Variants in CLEC19A observed in about 807,000 individuals in gnomAD.
The protein encoded by CLEC19A is C-type lectin domain containing 19A, also known as C-type lectin domain family 19 member A.
In CLEC19A, 21 loss-of-function variants were observed where a neutral mutation model predicts 26.1. That is an observed-to-expected ratio of 0.80 (90% CI 0.57 to 1.16). CLEC19A has a LOEUF of 1.16. Among genes scored for constraint, CLEC19A ranks in the 50% most tolerant of loss-of-function variants. The pLI is 0.00. For missense variants in CLEC19A, 224 were observed against 227.6 expected (o/e 0.98, Z 0.10); for synonymous variants, 89 against 88.6 (o/e 1.00, Z -0.03).
At chr16:19,292,462 C>T (rs1897611244) in intron 1 of CLEC19A, among the ~76,000 whole-genome samples, 1 of 152,324 alleles carries the variant, frequency 6.6e-6, no homozygotes. Flanking sequence ...GTTTCAAAGG[C>T]ATGAGTTATG....
At chr16:19,295,499 A>C (rs1897688744) in intron 1 of CLEC19A, among the ~76,000 whole-genome samples, 1 of 152,144 alleles carries the variant, frequency 6.6e-6, no homozygotes, top group Non-Finnish European at 1.5e-5. Context: ...CACCACACCC[A>C]GCCAGGACTC....
In CLEC19A at chr16:19,298,865, G is replaced by A. The variant is rs772520786; in HGVS notation, c.254+27G>A. On this transcript the variant is annotated intron_variant, in intron 2 of 4. Transcript: ENST00000636231. ...TAAGTGGGATCCCCAGTGCCCCATA[G>A]TTCAACTAAGCACCCCCTTGGGAAA... The A allele has an allele frequency of 1.2e-5, 19 of 1,535,804 alleles. No homozygotes were observed. The East Asian group carries it at 4.7e-4, about 38-fold the overall frequency.
chr16:19,295,418 G>C (rs1333692035), intron 1 of CLEC19A, among the ~76,000 whole-genome samples: 1 of 152,072 alleles, frequency 6.6e-6, no homozygotes, highest in African/African-American at 2.4e-5. Context: ...GCCCAGTCTA[G>C]TCTTGAACTC....
At chr16:19,300,275 G>A (rs1005097884) in intron 2 of CLEC19A, among the ~76,000 whole-genome samples, 1 of 151,894 alleles carries the variant, frequency 6.6e-6, no homozygotes. Context: ...GGGGTCGGGT[G>A]CAGTGTCTCA....
In CLEC19A at chr16:19,310,713, T is replaced by C. The variant is rs937377238; in HGVS notation, c.*1630T>C. On this transcript the variant is annotated 3_prime_UTR_variant, in exon 5 of 5. Transcript: ENST00000636231. ...ACCACATGTTGTATGATTCCATATA[T>C]ATGAAATATCCAGAATAGGCAAGTC... The C allele has an allele frequency of 1.3e-5, 2 of 152,174 alleles. No individual in the cohort carries two copies. The highest frequency in any genetic ancestry group is 4.8e-5 in the African/African-American group (2 of 41,420). 9.4% of individuals were successfully genotyped at this position (152,174 alleles called of 1,614,324 possible).
chr16:19,307,707 A>AG (rs1358220662), intron 4 of CLEC19A, 30 bp downstream of exon 4: 1 of 1,546,942 alleles, frequency 6.5e-7, no homozygotes, highest in Admixed American at 2.0e-5. Context: ...AGGCTCTTGC[A>AG]GGGGAGCCCA....
At chr16:19,304,370 G>T in intron 3 of CLEC19A, 6 of 298,472 alleles carry the variant, frequency 2.0e-5, no homozygotes, top group Non-Finnish European at 3.7e-5. Context: ...CATGGTCAGA[G>T]AAAACCTGTT....
chr16:19,306,594 C>CTAATAA (rs369678865), intron 3 of CLEC19A, among the ~76,000 whole-genome samples: 15 of 151,734 alleles, frequency 9.9e-5, no homozygotes, highest in Non-Finnish European at 1.5e-5. Flanking sequence ...ATTGAAAGAC[C>CTAATAA]TAATAATAAT....
intron 1 of CLEC19A, among the ~76,000 whole-genome samples, chr16:19,297,412 G>A (rs179211): frequency 0.61 from 92,758 of 152,058 alleles, 29,467 homozygotes; most frequent in East Asian, 0.84. Context: ...ACTCTCAGAC[G>A]TTACCATGGG....
Position 19,285,953 on chromosome 16 carries a change from CCAGGGCTGGGAG to C in CLEC19A, c.88+19_88+30del. 1 of 1,549,622 alleles carries C rather than the reference CCAGGGCTGGGAG, an allele frequency of 6.5e-7. No homozygotes were observed. Among genetic ancestry groups the C allele is most frequent in the African/African-American group, 1.4e-5 (1 of 73,130 alleles). ...GTATCAGTCCAGGTAAGTGCAGGGA[CCAGGGCTGGGAG>C]CAGGTGGAGAGGAGTACACTCTCAG... On this transcript the variant is annotated intron_variant, in intron 1 of 4. Transcript: ENST00000636231.
At chr16:19,304,324 T>C in intron 3 of CLEC19A, 169 bp downstream of exon 3, 1 of 600,920 alleles carries the variant, frequency 1.7e-6, no homozygotes. Context: ...GTGAAAGACA[T>C]TTAATGATGT....
chr16:19,300,219 G>T (rs902568805), intron 2 of CLEC19A, among the ~76,000 whole-genome samples: 2 of 150,550 alleles, frequency 1.3e-5, no homozygotes, highest in Non-Finnish European at 3.0e-5. Context: ...GTGAGATTCT[G>T]TCTCAAAAAT....
intron 1 of CLEC19A, among the ~76,000 whole-genome samples, chr16:19,297,152 A>C (rs1897722127): frequency 6.6e-6 from 1 of 152,238 alleles, no homozygotes; most frequent in Admixed American, 6.5e-5. Context: ...TACTGTCTCA[A>C]ACATGGGGTT....
rs183055215 is a variant in CLEC19A, at chr16:19,287,804, G to A, written c.88+1865G>A. 1.3e-4 allele frequency among the ~76,000 whole-genome samples: 20 copies of A among 152,312 alleles called. No individual in the cohort carries two copies. The East Asian group carries it at 1.7e-3, about 13-fold the overall frequency. On this transcript the variant is annotated intron_variant, in intron 1 of 4. Coordinates refer to ENST00000636231, the MANE Select transcript of CLEC19A (RefSeq NM_001256720.2). ...GGTTTTGGAGATCTTCAATGAGCTC[G>A]TGCAGGTGAAGTGCTTAGCACATAG...
At chr16:19,286,032 G>T (rs1897461417) in intron 1 of CLEC19A, 93 bp downstream of exon 1, 2 of 1,287,522 alleles carry the variant, frequency 1.6e-6, no homozygotes, top group South Asian at 2.6e-5. Context: ...TCTGTTGGGG[G>T]GTTGGGGTGG....
At position 19,285,855 on chromosome 16, in the gene CLEC19A, C is replaced by G. The variant is rs530387810; in HGVS notation, c.4C>G (p.Gln2Glu). 6.4e-7 allele frequency: 1 copy of G among 1,550,502 alleles called. No homozygotes were observed. Among genetic ancestry groups the G allele is most frequent in the Non-Finnish European group, 8.7e-7 (1 of 1,146,956 alleles). MQRWTLWAAAFL... is the reference protein window; with the variant it reads MERWTLWAAAFL... ...GGTTGCTTTCTAGGAGCTCAGGATG[C>G]AAAGGTGGACACTGTGGGCTGCAGC... The change falls in exon 1 of 5, where the codon CAA (glutamine) becomes GAA (glutamate). Residue 2 changes from glutamine (Q) to glutamate (E), a missense_variant. By Grantham distance (29) the Gln-to-Glu change is conservative (BLOSUM62 2). Transcript: ENST00000636231.
chr16:19,310,313 A>AT lies in CLEC19A; in HGVS notation c.*1236dup, dbSNP rs1898044403. 6.6e-6 allele frequency: 1 copy of AT among 151,552 alleles called. No individual in the cohort carries two copies. Among genetic ancestry groups the AT allele is most frequent in the African/African-American group, 2.4e-5 (1 of 41,248 alleles). The allele number at this position is 151,552 out of a possible 1,614,324, so 9.4% of individuals were successfully genotyped here. A position where few individuals can be genotyped will look rare whatever the true frequency, so the allele number is the denominator to read the frequency against. On this transcript the variant is annotated 3_prime_UTR_variant, in exon 5 of 5. Transcript: ENST00000636231. Reference sequence around the variant, plus strand: ...GTAAGACCCCATCTCCATAAGAAAAATTTTTTAATTAGCCAAGCATGGTGA... The same window carrying AT: ...GTAAGACCCCATCTCCATAAGAAAAATTTTTTTAATTAGCCAAGCATGGTGA...
rs998397007 is a variant in CLEC19A at position 19,298,787 on chromosome 16, G to A, written c.203G>A (p.Cys68Tyr). The A allele has an allele frequency of 9.0e-5, 140 of 1,550,542 alleles. No individual in the cohort carries two copies. The highest frequency in any genetic ancestry group is 1.1e-4 in the Non-Finnish European group (123 of 1,147,014). The part of the protein sequence containing the change: ...NKTWAEADLY[C>Y]SEFSVGRKSA... ...ACCTGGGCTGAGGCCGACCTCTACT[G>A]TTCTGAGTTCTCTGTGGGCAGGAAG... The change falls in exon 2 of 5, where the codon TGT (cysteine) becomes TAT (tyrosine). Residue 68 changes from cysteine to tyrosine, a missense_variant. Physicochemically the swap from Cys to Tyr is radical, Grantham distance 194. Coordinates refer to ENST00000636231, the MANE Select transcript of CLEC19A (RefSeq NM_001256720.2).
rs1897449700 is a variant in CLEC19A, at chr16:19,285,778, T to C, written c.-74T>C. The C allele has an allele frequency of 3.0e-6, 4 of 1,338,836 alleles. No homozygotes were observed. The highest frequency in any genetic ancestry group is 4.2e-6 in the Non-Finnish European group (4 of 957,668). 82.9% of individuals were successfully genotyped at this position (1,338,836 alleles called of 1,614,324 possible). The stretch of plus-strand genomic sequence containing the variant: ...GCTCCATCTGACCCTAGGAGAGCAA[T>C]CCTGGACCCAAGCTCCAGCCAAAAA... On this transcript the variant is annotated 5_prime_UTR_variant, in exon 1 of 5. Coordinates refer to ENST00000636231, the MANE Select transcript of CLEC19A (RefSeq NM_001256720.2).
Sources: gnomAD v4.1 joint callset for allele counts (sites outside exome capture counted in the v4.1 genomes callset) on GRCh38, gnomAD v4.1.1 for gene constraint, MANE v1.5 for transcripts, NCBI Gene and HGNC (gene_info 2026-07-23, HGNC 2026-07-21) for gene names.